The following COL13A1 variants were observed in gnomAD, a reference collection of about 807,000 sequenced individuals.
COL13A1 encodes collagen type XIII alpha 1 chain, also known as collagen alpha-1(XIII) chain.
COL13A1 carries 89 observed loss-of-function variants against 130.9 expected under a neutral mutation model. The observed-to-expected ratio is 0.68, with a 90% CI of 0.57 to 0.81. COL13A1 has a LOEUF of 0.81. COL13A1 is among the 30% of genes least tolerant of loss of function. The pLI, the probability that COL13A1 is intolerant of heterozygous loss-of-function variation, is 0.00. For missense variants in COL13A1, 879 were observed against 934.6 expected (o/e 0.94, Z 0.78); for synonymous variants, 402 against 341.6 (o/e 1.18, Z -1.95).
At chr10:69,897,879 A>G (rs2061810419) in intron 13 of COL13A1, among the ~76,000 whole-genome samples, 2 of 152,254 alleles carry the variant, frequency 1.3e-5, no homozygotes, top group Admixed American at 6.5e-5. Context: ...CTCAGCTTCA[A>G]TGGGTAGAGG....
intron 7 of COL13A1, 81 bp from the exon 8 acceptor site, chr10:69,887,375 C>A (rs2060695950): frequency 7.0e-7 from 1 of 1,432,522 alleles, no homozygotes. Context: ...GGGATGGGAG[C>A]AAAGATGAAC....
intron 13 of COL13A1, 83 bp downstream of exon 13, chr10:69,895,659 T>A (rs2134847579): frequency 1.4e-6 from 2 of 1,468,032 alleles, no homozygotes; most frequent in Non-Finnish European, 9.5e-7. Flanking sequence ...CTCCCTGGGG[T>A]CTCCAGTTAC....
intron 17 of COL13A1, among the ~76,000 whole-genome samples, chr10:69,906,335 A>C (rs1321195151): frequency 6.6e-6 from 1 of 152,184 alleles, no homozygotes; most frequent in Non-Finnish European, 1.5e-5. Flanking sequence ...CAGTCTGGGA[A>C]TTCTGCTAAT....
intron 39 of COL13A1, among the ~76,000 whole-genome samples, chr10:69,954,184 G>A (rs1010336036): frequency 3.9e-5 from 6 of 152,110 alleles, no homozygotes; most frequent in African/African-American, 9.7e-5. Context: ...GGGTCACCCC[G>A]CCTAGGCTAG....
chr10:69,896,751 C>T (rs569384983), intron 13 of COL13A1, among the ~76,000 whole-genome samples: 24 of 152,248 alleles, frequency 1.6e-4, no homozygotes, highest in Admixed American at 1.4e-3. Flanking sequence ...TTTAAGGCTA[C>T]GGCGGTGCTG....
intron 2 of COL13A1, among the ~76,000 whole-genome samples, chr10:69,832,082 G>A (rs890301204): frequency 6.6e-6 from 1 of 152,202 alleles, no homozygotes; most frequent in African/African-American, 2.4e-5. Context: ...ATTCAGCCAT[G>A]TGAGGTCCCG....
At chr10:69,815,294 G>T (rs538213052) in intron 1 of COL13A1, among the ~76,000 whole-genome samples, 1 of 152,196 alleles carries the variant, frequency 6.6e-6, no homozygotes, top group African/African-American at 2.4e-5. Flanking sequence ...CTAAACCCAA[G>T]ACCAGGCTGG....
At chr10:69,808,453 T>C (rs909021401) in intron 1 of COL13A1, among the ~76,000 whole-genome samples, 1 of 152,198 alleles carries the variant, frequency 6.6e-6, no homozygotes, top group Non-Finnish European at 1.5e-5. Flanking sequence ...TTGGCTTTCC[T>C]TATCCCAAAC....
At chr10:69,823,714 C>T (rs779338143) in intron 2 of COL13A1, among the ~76,000 whole-genome samples, 5 of 152,112 alleles carry the variant, frequency 3.3e-5, no homozygotes, top group South Asian at 2.1e-4. Flanking sequence ...ACAAGGAGAC[C>T]GTGAAAAGAT....
chr10:69,819,830 T>A (rs757488170), intron 1 of COL13A1, among the ~76,000 whole-genome samples: 2 of 152,188 alleles, frequency 1.3e-5, no homozygotes, highest in Non-Finnish European at 2.9e-5. Flanking sequence ...CCTGCCTTAA[T>A]GACCTGCCTT....
chr10:69,854,409 T>A (rs943022518), intron 2 of COL13A1, among the ~76,000 whole-genome samples: 2 of 151,990 alleles, frequency 1.3e-5, no homozygotes, highest in African/African-American at 4.8e-5. Context: ...CTACAAAAAA[T>A]TTTAAAACAA....
chr10:69,918,924 C>A, intron 19 of COL13A1, 138 bp from the exon 20 acceptor site: 1 of 976,260 alleles, frequency 1.0e-6, no homozygotes, highest in Non-Finnish European at 1.6e-6. Flanking sequence ...GATGCCTGAA[C>A]AGAGAAGAGC....
intron 30 of COL13A1, among the ~76,000 whole-genome samples, chr10:69,931,504 C>A (rs2066116372): frequency 6.6e-6 from 1 of 152,250 alleles, no homozygotes; most frequent in South Asian, 2.1e-4. Context: ...CAACCTAGTT[C>A]GACGGTGCTA....
At chr10:69,806,535 C>G (rs1841632324) in intron 1 of COL13A1, among the ~76,000 whole-genome samples, 1 of 152,234 alleles carries the variant, frequency 6.6e-6, no homozygotes, top group Non-Finnish European at 1.5e-5. Flanking sequence ...GGCCCCAGCT[C>G]TTCCCCCATC....
At chr10:69,920,390 T>C (rs2064490027) in intron 21 of COL13A1, among the ~76,000 whole-genome samples, 1 of 152,218 alleles carries the variant, frequency 6.6e-6, no homozygotes, top group South Asian at 2.1e-4. Context: ...TGGGGTGCTC[T>C]TGGACACTCA....
At chr10:69,874,055 A>G (rs1272838659) in intron 4 of COL13A1, among the ~76,000 whole-genome samples, 1 of 152,222 alleles carries the variant, frequency 6.6e-6, no homozygotes, top group African/African-American at 2.4e-5. Flanking sequence ...GGTTAAGGGA[A>G]GAGTCAGTGC....
intron 26 of COL13A1, among the ~76,000 whole-genome samples, 165 bp from the exon 27 acceptor site, chr10:69,926,922 G>A (rs2065441453): frequency 1.3e-5 from 2 of 152,250 alleles, no homozygotes; most frequent in African/African-American, 4.8e-5. Context: ...AGGTGGGGTG[G>A]GGGTGGTGTG....
At chr10:69,897,539 G>A in intron 13 of COL13A1, 2 of 1,613,866 alleles carry the variant, frequency 1.2e-6, no homozygotes, top group Non-Finnish European at 1.7e-6. Context: ...AAGGTTTGTA[G>A]GTTCTGGAAG....
intron 19 of COL13A1, 78 bp downstream of exon 19, chr10:69,918,395 T>C: frequency 6.9e-7 from 1 of 1,455,210 alleles, no homozygotes. Flanking sequence ...AATCTTAGAC[T>C]CAGTGGGGTG....
Sources: allele counts gnomAD v4.1 joint callset (sites outside exome capture counted in the v4.1 genomes callset), GRCh38; gene constraint gnomAD v4.1.1; transcripts MANE v1.5; gene names NCBI Gene and HGNC (gene_info 2026-07-23, HGNC 2026-07-21).